ROS1: variants seen among roughly 807,000 people sequenced by gnomAD.
ROS1 encodes the protein ROS proto-oncogene 1, receptor tyrosine kinase, also known as proto-oncogene tyrosine-protein kinase ROS.
In ROS1, 263 loss-of-function variants were observed where a neutral mutation model predicts 273.5. The ratio of observed to expected loss-of-function variants is 0.96; its 90% CI spans 0.87 to 1.06. The LOEUF is 1.06. Ranked by LOEUF, ROS1 falls within the 50% of genes least tolerant of loss-of-function variation. The pLI is 0.00. For synonymous variants in ROS1, 1,008 were observed against 954.1 expected, an observed-to-expected ratio of 1.06 and a Z score of -1.04; for missense variants, 2,833 against 2,751.1, an observed-to-expected ratio of 1.03 and a Z score of -0.67.
At chr6:117,393,168 C>T (rs1773202039) in intron 12 of ROS1, 56 bp downstream of exon 12, 4 of 1,049,592 alleles carry the variant, frequency 3.8e-6, no homozygotes, top group Non-Finnish European at 5.9e-6. Context: ...GCAAGTTTCT[C>T]AAAGATTATT....
chr6:117,417,689 A>G (rs148229418), intron 2 of ROS1, among the ~76,000 whole-genome samples: 1 of 152,176 alleles, frequency 6.6e-6, no homozygotes, highest in East Asian at 1.9e-4. Context: ...ATGTACCCCA[A>G]TTTCCAAGCA....
At chr6:117,363,599 A>G (rs537299172) in intron 21 of ROS1, among the ~76,000 whole-genome samples, 6 of 152,066 alleles carry the variant, frequency 3.9e-5, no homozygotes, top group South Asian at 4.2e-4. Context: ...CTATTATTCA[A>G]TCTCCAGGCC....
At chr6:117,322,204 A>T (rs1776336293) in intron 35 of ROS1, among the ~76,000 whole-genome samples, 1 of 152,084 alleles carries the variant, frequency 6.6e-6, no homozygotes, top group African/African-American at 2.4e-5. Flanking sequence ...ATTCAATTTG[A>T]AGGGCTACAC....
intron 7 of ROS1, among the ~76,000 whole-genome samples, chr6:117,402,888 C>CAAAA (rs10617636): frequency 8.8e-6 from 1 of 113,898 alleles, no homozygotes; most frequent in Non-Finnish European, 1.9e-5. Flanking sequence ...ACTCTGTCTC[C>CAAAA]AAAAAAAAAA....
chr6:117,305,586 G>A (rs192302804), intron 42 of ROS1, among the ~76,000 whole-genome samples: 68 of 152,142 alleles, frequency 4.5e-4, no homozygotes, highest in African/African-American at 1.6e-3. Flanking sequence ...ACCATGTAGG[G>A]ACAAATGAGG....
intron 23 of ROS1, 69 bp from the exon 24 acceptor site, chr6:117,360,080 T>C: frequency 7.8e-7 from 1 of 1,288,408 alleles, no homozygotes; most frequent in South Asian, 1.3e-5. Context: ...AGTCTCGATT[T>C]AATATCTGGC....
chr6:117,409,654 A>G lies in ROS1; in HGVS notation c.256-12T>C, dbSNP rs988404959. Reference sequence around the variant, plus strand: ...TCACACGACTCCCGCTGTGGAAGACAGGGAGCATGACAGTCAGGGCAGCCT... The same window carrying G: ...TCACACGACTCCCGCTGTGGAAGACGGGGAGCATGACAGTCAGGGCAGCCT... On this transcript the variant is annotated splice_polypyrimidine_tract_variant and intron_variant, in intron 4 of 43. Transcript: ENST00000368507. The G allele has an allele frequency of 7.4e-6, 12 of 1,612,904 alleles. No individual in the cohort carries two copies. The highest frequency in any genetic ancestry group is 1.0e-5 in the Non-Finnish European group (12 of 1,179,066).
chr6:117,403,847 C>A (rs1337636353), intron 6 of ROS1, among the ~76,000 whole-genome samples: 1 of 151,362 alleles, frequency 6.6e-6, no homozygotes, highest in Non-Finnish European at 1.5e-5. Context: ...TGTTACAGAG[C>A]AGCTGAGATT....
In ROS1 at chr6:117,365,078, G is replaced by A; in HGVS notation, c.3085C>T (p.Leu1029Phe). 1 of 1,613,660 alleles carries A rather than the reference G, an allele frequency of 6.2e-7. No individual in the cohort carries two copies. Among genetic ancestry groups the A allele is most frequent in the Middle Eastern group, 1.7e-4 (1 of 6,058 alleles). ...CCTGTACCTGTTTCAGGTGCTCGAA[G>A]TGACAGAGATGTTTTGGGGCCCTTT... ...WGKGPKTSLS[L>F]RAPETVPSAP... is the part of the protein sequence containing the mutation. The change falls in exon 21 of 44, where the codon CTT becomes TTT. Residue 1029 changes from leucine (L) to phenylalanine (F), a missense_variant. By Grantham distance (22) the Leu-to-Phe change is conservative (BLOSUM62 0). Transcript: ENST00000368507.
chr6:117,334,485 G>T (rs537011145), intron 32 of ROS1, among the ~76,000 whole-genome samples: 2 of 152,266 alleles, frequency 1.3e-5, no homozygotes, highest in Admixed American at 1.3e-4. Flanking sequence ...CATAGAATTA[G>T]AAAAAGTTAT....
At chr6:117,373,384 C>CG (rs1263885827) in intron 18 of ROS1, among the ~76,000 whole-genome samples, 2 of 152,350 alleles carry the variant, frequency 1.3e-5, no homozygotes, top group Non-Finnish European at 1.5e-5. Flanking sequence ...AAGCCCACCA[C>CG]GGGGGGACTT....
chr6:117,386,945 G>A lies in ROS1; in HGVS notation c.2054C>T (p.Pro685Leu), dbSNP rs1418694067. The stretch of plus-strand genomic sequence containing the variant: ...CTCTCCTGGGCCAAAGCTATTTAAT[G>A]GTTTACTCCAAAGCCCATCTTCTTT... ...AVKEDGLWSK[P>L]LNSFGPGEFL... Residue 685 changes from proline (P) to leucine (L), a missense_variant, in exon 15 of 44, where the codon CCA becomes CTA. Pro to Leu is a moderately conservative substitution (Grantham distance 98). Coordinates refer to ENST00000368507, the MANE Select transcript of ROS1 (RefSeq NM_001378902.1). 5.0e-6 allele frequency: 8 copies of A among 1,612,964 alleles called. No homozygotes were observed. Among genetic ancestry groups the A allele is most frequent in the Non-Finnish European group, 6.8e-6 (8 of 1,179,228 alleles).
intron 7 of ROS1, among the ~76,000 whole-genome samples, chr6:117,399,112 T>G (rs1349031907): frequency 2.0e-5 from 3 of 152,130 alleles, no homozygotes; most frequent in South Asian, 2.1e-4. Context: ...ATCAGAAACA[T>G]GAGATGCTAT....
At chr6:117,372,331 C>T (rs183471835) in intron 18 of ROS1, among the ~76,000 whole-genome samples, 66 of 152,286 alleles carry the variant, frequency 4.3e-4, no homozygotes, top group African/African-American at 1.5e-3. Context: ...ATAACATGAT[C>T]ATATATCTAG....
At position 117,323,328 on chromosome 6, in the gene ROS1, C is replaced by G. The variant is rs146627865; in HGVS notation, c.5623+1004G>C. Among the ~76,000 whole-genome samples, 445 of 152,236 alleles carry G rather than the reference C, an allele frequency of 2.9e-3. 1 individual carries two copies. The highest frequency in any genetic ancestry group is 0.01 in the African/African-American group (424 of 41,560). ...GCAGAAAGAATAAAGACTTAGAACA[C>G]AGTAAAGTGTTGGCTGTCTTTATCC... On this transcript the variant is annotated intron_variant, in intron 35 of 43. Transcript: ENST00000368507.
chr6:117,387,289 G>T (rs1772664232), intron 14 of ROS1, among the ~76,000 whole-genome samples: 1 of 152,098 alleles, frequency 6.6e-6, no homozygotes. Flanking sequence ...AATTTTTTTT[G>T]AGGGGGCTTT....
At chr6:117,420,406 T>C (rs1323800328) in intron 1 of ROS1, among the ~76,000 whole-genome samples, 1 of 132,340 alleles carries the variant, frequency 7.6e-6, no homozygotes, top group South Asian at 2.5e-4. Flanking sequence ...TCTCATTCTT[T>C]ACTTCCTACC....
At position 117,321,336 on chromosome 6, in the gene ROS1, T is replaced by C. The variant is rs757333668; in HGVS notation, c.5682A>G (p.Ile1894Met). The C allele has an allele frequency of 6.2e-7, 1 of 1,613,778 alleles. No homozygotes were observed. The highest frequency in any genetic ancestry group is 8.5e-7 in the Non-Finnish European group (1 of 1,179,834). Residue 1894 changes from isoleucine (I) to methionine (M), a missense_variant, in exon 36 of 44, where the codon ATA becomes ATG. Ile to Met is a conservative substitution (Grantham distance 10). Coordinates refer to ENST00000368507, the MANE Select transcript of ROS1 (RefSeq NM_001378902.1). ...KSAKEGVTVLINEDKELAELR... is the reference protein window; with the variant it reads ...KSAKEGVTVLMNEDKELAELR... ...GCTCAGCCAACTCTTTGTCTTCGTT[T>C]ATAAGCACTGTCACCCCTTCCTTGG... is the stretch of plus-strand genomic sequence containing the variant.
chr6:117,362,806 T>C lies in ROS1; in HGVS notation c.3163A>G (p.Lys1055Glu), dbSNP rs765184541. 6 of 1,613,722 alleles carry C rather than the reference T, an allele frequency of 3.7e-6. No individual in the cohort carries two copies. Among genetic ancestry groups the C allele is most frequent in the Admixed American group, 1.7e-5 (1 of 59,994 alleles). Reference sequence around the variant, plus strand: ...CTAAATTCCACCACAACTTCATTCTTGTTGCAGCATTTTCCACTTGGTAAT... The same window carrying C: ...CTAAATTCCACCACAACTTCATTCTCGTTGCAGCATTTTCCACTTGGTAAT... ...FILPSGKCCN[K>E]NEVVVEFRWN... The change falls in exon 22 of 44, where the codon AAG becomes GAG. Residue 1055 changes from lysine to glutamate, a missense_variant. Transcript: ENST00000368507.
Sources: gnomAD v4.1 joint callset for allele counts (sites outside exome capture counted in the v4.1 genomes callset) on GRCh38, gnomAD v4.1.1 for gene constraint, MANE v1.5 for transcripts, NCBI Gene and HGNC (gene_info 2026-07-23, HGNC 2026-07-21) for gene names.